Variants in SLC24A3 observed in about 807,000 individuals in gnomAD.
The protein encoded by SLC24A3 is sodium/potassium/calcium exchanger 3.
In SLC24A3, 28 loss-of-function variants were observed where a neutral mutation model predicts 75.8. That is an observed-to-expected ratio of 0.37 (90% CI 0.27 to 0.51). SLC24A3 has a LOEUF of 0.51. Ranked by LOEUF, SLC24A3 falls within the 20% of genes least tolerant of loss-of-function variation. The probability of loss-of-function intolerance (pLI) is 0.94; values close to 1 mark genes in which losing one functional copy is unlikely to be tolerated. For synonymous variants in SLC24A3, 372 were observed against 334.1 expected (o/e 1.11, Z -1.24); for missense variants, 663 against 847.8 (o/e 0.78, Z 2.71).
chr20:19,216,649 A>G (rs185379947), intron 1 of SLC24A3, among the ~76,000 whole-genome samples: 38 of 151,586 alleles, frequency 2.5e-4, no homozygotes, highest in Non-Finnish European at 2.7e-4. Context: ...AATTACACAC[A>G]CATGCATGTA....
intron 9 of SLC24A3, among the ~76,000 whole-genome samples, chr20:19,679,043 C>G (rs1316051184): frequency 6.6e-6 from 1 of 151,298 alleles, no homozygotes; most frequent in East Asian, 2.0e-4. Flanking sequence ...AGAGGGGCTC[C>G]TCACATCCCA....
At chr20:19,302,411 A>T (rs1303320876) in intron 2 of SLC24A3, among the ~76,000 whole-genome samples, 1 of 152,250 alleles carries the variant, frequency 6.6e-6, no homozygotes, top group Non-Finnish European at 1.5e-5. Context: ...AAACAACAAA[A>T]ATTAATACAG....
At chr20:19,432,844 C>T (rs1987127964) in intron 2 of SLC24A3, among the ~76,000 whole-genome samples, 1 of 152,166 alleles carries the variant, frequency 6.6e-6, no homozygotes, top group Non-Finnish European at 1.5e-5. Context: ...TTTTGATGAA[C>T]TTTCAGTGGA....
chr20:19,529,396 G>T (rs2030254885), intron 3 of SLC24A3, among the ~76,000 whole-genome samples: 1 of 152,108 alleles, frequency 6.6e-6, no homozygotes, highest in African/African-American at 2.4e-5. Flanking sequence ...AGCTGCACAG[G>T]CTGGAATCCT....
chr20:19,334,474 T>G lies in SLC24A3; in HGVS notation c.271+53387T>G, dbSNP rs554153807. Among the ~76,000 whole-genome samples the G allele has an allele frequency of 5.3e-5, 8 of 152,352 alleles. No homozygotes were observed. The East Asian group carries it at 1.3e-3, about 26-fold the overall frequency. The stretch of plus-strand genomic sequence containing the variant: ...TAATGTAAGGCAACAGACTTAATTT[T>G]TTTCTGAGCTCTCATATATTGATTC... On this transcript the variant is annotated intron_variant, in intron 2 of 16. Coordinates refer to ENST00000328041, the MANE Select transcript of SLC24A3 (RefSeq NM_020689.4).
At chr20:19,364,906 G>A (rs1465447496) in intron 2 of SLC24A3, among the ~76,000 whole-genome samples, 1 of 152,136 alleles carries the variant, frequency 6.6e-6, no homozygotes, top group African/African-American at 2.4e-5. Context: ...CGGAGGAGCA[G>A]CAGGAGAAAT....
intron 6 of SLC24A3, among the ~76,000 whole-genome samples, chr20:19,602,759 C>G (rs1189562976): frequency 6.6e-6 from 1 of 152,164 alleles, no homozygotes; most frequent in Non-Finnish European, 1.5e-5. Flanking sequence ...ATGGCTCTGT[C>G]CAGAGGAGGC....
At chr20:19,626,521 A>C (rs1312461005) in intron 6 of SLC24A3, among the ~76,000 whole-genome samples, 1 of 152,224 alleles carries the variant, frequency 6.6e-6, no homozygotes, top group African/African-American at 2.4e-5. Context: ...AACTTATTTC[A>C]AGAGTAGGTG....
At chr20:19,546,508 C>T (rs1392456626) in intron 3 of SLC24A3, among the ~76,000 whole-genome samples, 1 of 152,214 alleles carries the variant, frequency 6.6e-6, no homozygotes, top group African/African-American at 2.4e-5. Flanking sequence ...GCTCCCTGAA[C>T]CCCATCACCC....
intron 2 of SLC24A3, among the ~76,000 whole-genome samples, chr20:19,502,868 C>CAAAA (rs368651686): frequency 2.5e-4 from 18 of 72,192 alleles, no homozygotes; most frequent in African/African-American, 4.1e-4. Flanking sequence ...CTGTCTCTAC[C>CAAAA]AAAAAAAAAA....
chr20:19,448,232 T>C (rs1987418791), intron 2 of SLC24A3, among the ~76,000 whole-genome samples: 1 of 152,242 alleles, frequency 6.6e-6, no homozygotes, highest in Non-Finnish European at 1.5e-5. Flanking sequence ...GACCCCATGA[T>C]CTGCGATTAT....
At chr20:19,293,252 T>A (rs1170924286) in intron 2 of SLC24A3, among the ~76,000 whole-genome samples, 2 of 151,868 alleles carry the variant, frequency 1.3e-5, no homozygotes, top group Admixed American at 6.6e-5. Flanking sequence ...GGAAGGAGAG[T>A]TGTAACGCAG....
Position 19,652,585 on chromosome 20 carries a change from C to A in SLC24A3, c.613-1477C>A, listed in dbSNP as rs149037159. ...CCCTGTCATGTGTGACTTAGAAATGCAAATGCTTCACCTAATAAGGCAAAA... is the reference window on the plus strand; with the variant it reads ...CCCTGTCATGTGTGACTTAGAAATGAAAATGCTTCACCTAATAAGGCAAAA... On this transcript the variant is annotated intron_variant, in intron 6 of 16. Coordinates refer to ENST00000328041, the MANE Select transcript of SLC24A3 (RefSeq NM_020689.4). Among the ~76,000 whole-genome samples, 560 of 152,288 alleles carry A rather than the reference C, an allele frequency of 3.7e-3. 2 individuals carry two copies. The highest frequency in any genetic ancestry group is 6.4e-3 in the Non-Finnish European group (435 of 68,016).
intron 2 of SLC24A3, among the ~76,000 whole-genome samples, chr20:19,476,234 T>C (rs1448221551): frequency 1.3e-5 from 2 of 152,206 alleles, no homozygotes; most frequent in East Asian, 3.8e-4. Flanking sequence ...TAATCTGAGA[T>C]GTTGGTAGTT....
intron 2 of SLC24A3, among the ~76,000 whole-genome samples, chr20:19,392,549 C>T (rs138882701): frequency 6.6e-6 from 1 of 152,252 alleles, no homozygotes; most frequent in African/African-American, 2.4e-5. Context: ...GCTGACCAAG[C>T]AAGATTTCTC....
chr20:19,706,750 G>A (rs1295638773), intron 15 of SLC24A3, among the ~76,000 whole-genome samples: 3 of 152,112 alleles, frequency 2.0e-5, no homozygotes, highest in African/African-American at 7.2e-5. Context: ...TAGAAAGGAC[G>A]TTCTGACAAT....
At chr20:19,222,137 G>A (rs775249619) in intron 1 of SLC24A3, among the ~76,000 whole-genome samples, 2 of 151,930 alleles carry the variant, frequency 1.3e-5, no homozygotes, top group Non-Finnish European at 2.9e-5. Context: ...ATTTCCAAGA[G>A]CTCTTCTTCC....
chr20:19,397,126 A>T (rs913256374), intron 2 of SLC24A3, among the ~76,000 whole-genome samples: 1 of 152,240 alleles, frequency 6.6e-6, no homozygotes, highest in Non-Finnish European at 1.5e-5. Flanking sequence ...CACTCAATAG[A>T]ATTCATTCTT....
At chr20:19,402,307 C>T (rs1177112831) in intron 2 of SLC24A3, among the ~76,000 whole-genome samples, 1 of 152,122 alleles carries the variant, frequency 6.6e-6, no homozygotes, top group Non-Finnish European at 1.5e-5. Context: ...ATTTTCTCTC[C>T]AGCCTTTTTC....
Sources: allele counts gnomAD v4.1 joint callset (sites outside exome capture counted in the v4.1 genomes callset), GRCh38; gene constraint gnomAD v4.1.1; transcripts MANE v1.5; gene names NCBI Gene and HGNC (gene_info 2026-07-23, HGNC 2026-07-21).